The following CNGB3 variants were observed in gnomAD, a reference collection of about 807,000 sequenced individuals.
CNGB3 encodes the protein cyclic nucleotide gated channel subunit beta 3.
In CNGB3, 86 loss-of-function variants were observed where a neutral mutation model predicts 92.8. The ratio of observed to expected loss-of-function variants is 0.93; its 90% CI spans 0.78 to 1.11. The LOEUF (loss-of-function observed/expected upper bound fraction) is 1.11, where lower values mean the gene tolerates loss of function less well. Among genes scored for constraint, CNGB3 ranks in the 50% least tolerant of loss-of-function variants. CNGB3 has a pLI of 0.00. For synonymous variants in CNGB3, 333 were observed against 332.7 expected (o/e 1.00, Z -0.01); for missense variants, 1,026 against 956.8 (o/e 1.07, Z -0.95).
At chr8:86,696,388 G>A (rs563469883) in intron 3 of CNGB3, among the ~76,000 whole-genome samples, 1 of 152,246 alleles carries the variant, frequency 6.6e-6, no homozygotes, top group East Asian at 1.9e-4. Context: ...GTGATGAGTG[G>A]GGCCATAGAG....
rs182818279 is a variant in CNGB3, at chr8:86,743,058, T to C, written c.129+441A>G. 3.3e-5 allele frequency among the ~76,000 whole-genome samples: 5 copies of C among 152,218 alleles called. No homozygotes were observed. The East Asian group carries it at 9.6e-4, about 29-fold the overall frequency. ...TATGACAACTGAAAGTGTCCCCAGA[T>C]TTGCCAAATGTCCCTTGAGTGGTAA... is the stretch of plus-strand genomic sequence containing the variant. On this transcript the variant is annotated intron_variant, in intron 1 of 17. Transcript: ENST00000320005.
chr8:86,635,849 TATATATATATATATAC>T (rs1337833106), intron 10 of CNGB3, among the ~76,000 whole-genome samples: 21 of 74,672 alleles, frequency 2.8e-4, no homozygotes, highest in African/African-American at 4.8e-4. Flanking sequence ...TATATATATA[TATATATATATATATAC>T]ACATACACAT....
intron 3 of CNGB3, among the ~76,000 whole-genome samples, chr8:86,694,636 C>CAG (rs1221693470): frequency 2.0e-5 from 3 of 151,462 alleles, no homozygotes; most frequent in Non-Finnish European, 4.4e-5. Context: ...CGCGGCCGGG[C>CAG]AGAGGCACTC....
intron 6 of CNGB3, chr8:86,659,590 A>G (rs959080648): frequency 1.6e-5 from 9 of 552,494 alleles, no homozygotes; most frequent in African/African-American, 1.5e-4. Context: ...TAGAGACAGC[A>G]GAGAGAGCCC....
chr8:86,587,677 G>A (rs1437557589), intron 15 of CNGB3, among the ~76,000 whole-genome samples: 9 of 150,954 alleles, frequency 6.0e-5, no homozygotes, highest in African/African-American at 1.9e-4. Flanking sequence ...TGAGGGCTCT[G>A]TTCTGTTCCA....
chr8:86,738,372 A>C (rs1825282617), intron 2 of CNGB3, among the ~76,000 whole-genome samples: 1 of 152,158 alleles, frequency 6.6e-6, no homozygotes, highest in Non-Finnish European at 1.5e-5. Flanking sequence ...GCAAAGGTTG[A>C]GATCAAAGTG....
intron 3 of CNGB3, among the ~76,000 whole-genome samples, chr8:86,679,573 T>C (rs1056450147): frequency 2.0e-5 from 3 of 152,028 alleles, no homozygotes; most frequent in Admixed American, 6.6e-5. Context: ...TCACCCAGGC[T>C]GGAGTGCAGT....
intron 3 of CNGB3, among the ~76,000 whole-genome samples, chr8:86,687,501 A>C (rs920568664): frequency 7.2e-5 from 11 of 152,038 alleles, no homozygotes; most frequent in Admixed American, 1.3e-4. Flanking sequence ...ATAGAGACAA[A>C]ATGCAAATGT....
intron 15 of CNGB3, among the ~76,000 whole-genome samples, chr8:86,603,752 A>G (rs545326736): frequency 2.0e-5 from 3 of 152,310 alleles, no homozygotes; most frequent in African/African-American, 7.2e-5. Context: ...CCCCCTTGTT[A>G]GCAAGGCTTT....
intron 14 of CNGB3, among the ~76,000 whole-genome samples, chr8:86,610,999 C>T (rs1363060294): frequency 6.6e-6 from 1 of 152,076 alleles, no homozygotes; most frequent in Non-Finnish European, 1.5e-5. Flanking sequence ...CAGTATGATG[C>T]CACTTTTATA....
intron 12 of CNGB3, among the ~76,000 whole-genome samples, chr8:86,627,455 G>C (rs1459097335): frequency 6.6e-6 from 1 of 152,140 alleles, no homozygotes; most frequent in Admixed American, 6.6e-5. Context: ...AAAAGTGTCA[G>C]AAAGGTGAAG....
chr8:86,580,195 G>T (rs540063512), intron 15 of CNGB3, among the ~76,000 whole-genome samples: 10 of 150,274 alleles, frequency 6.7e-5, no homozygotes, highest in East Asian at 3.9e-4. Flanking sequence ...TAGCACGGGG[G>T]GGGTGGCGGG....
At chr8:86,654,168 A>T in intron 6 of CNGB3, 106 bp from the exon 7 acceptor site, 1 of 789,058 alleles carries the variant, frequency 1.3e-6, no homozygotes. Flanking sequence ...TTCCAATCTC[A>T]GCCAATAAAC....
chr8:86,629,122 G>A (rs748322164), intron 11 of CNGB3, 44 bp from the exon 12 acceptor site: 1 of 1,608,814 alleles, frequency 6.2e-7, no homozygotes, highest in South Asian at 1.1e-5. Context: ...CAGAGGAAAT[G>A]AGTTAATAAA....
At chr8:86,693,865 A>G (rs1255803051) in intron 3 of CNGB3, among the ~76,000 whole-genome samples, 1 of 152,096 alleles carries the variant, frequency 6.6e-6, no homozygotes, top group Non-Finnish European at 1.5e-5. Flanking sequence ...AGACACGGCA[A>G]CCATCCGACC....
chr8:86,628,986 A>T lies in CNGB3; in HGVS notation c.1413T>A (p.Ile471=), dbSNP rs1822906055. 27 of 1,614,028 alleles carry T rather than the reference A, an allele frequency of 1.7e-5. No individual in the cohort carries two copies. The highest frequency in any genetic ancestry group is 2.3e-5 in the Non-Finnish European group (27 of 1,179,958). ...DTIAYMNNYS[I]PKLVQKRVRT... ...GAACTCGCTTTTGCACAAGTTTAGGAATGGAGTAATTGTTCATGTAGGCAA... is the reference window on the plus strand; with the variant it reads ...GAACTCGCTTTTGCACAAGTTTAGGTATGGAGTAATTGTTCATGTAGGCAA... Residue 471 remains isoleucine (I), a synonymous_variant, in exon 12 of 18, where the codon ATT becomes ATA. Coordinates refer to ENST00000320005, the MANE Select transcript of CNGB3 (RefSeq NM_019098.5).
At chr8:86,655,590 A>G (rs1823489626) in intron 6 of CNGB3, among the ~76,000 whole-genome samples, 1 of 152,138 alleles carries the variant, frequency 6.6e-6, no homozygotes, top group African/African-American at 2.4e-5. Flanking sequence ...GTTTTCTCTG[A>G]GCCTTATAGC....
At chr8:86,722,227 G>A (rs550852752) in intron 3 of CNGB3, among the ~76,000 whole-genome samples, 36 of 152,100 alleles carry the variant, frequency 2.4e-4, no homozygotes, top group Non-Finnish European at 2.9e-4. Context: ...ACATTTCCAG[G>A]CAAAACACAT....
chr8:86,626,566 C>G (rs1231646668), intron 12 of CNGB3, among the ~76,000 whole-genome samples: 2 of 152,142 alleles, frequency 1.3e-5, no homozygotes, highest in Non-Finnish European at 2.9e-5. Context: ...GGTAAATGTT[C>G]TCATTCCTAC....
Sources: allele counts gnomAD v4.1 joint callset (sites outside exome capture counted in the v4.1 genomes callset), GRCh38; gene constraint gnomAD v4.1.1; transcripts MANE v1.5; gene names NCBI Gene and HGNC (gene_info 2026-07-23, HGNC 2026-07-21).